RALYL: variants seen among roughly 807,000 people sequenced by gnomAD.
RALYL encodes RNA-binding Raly-like protein.
Under a neutral mutation model 35.1 loss-of-function variants are expected in RALYL, and 29 were observed. The observed-to-expected ratio is 0.83, with a 90% CI of 0.61 to 1.13. The LOEUF is 1.13. Ranked by LOEUF, RALYL falls within the 50% of genes most tolerant of loss-of-function variation. RALYL has a pLI of 0.00. For missense variants in RALYL, 359 were observed against 360.4 expected (o/e 1.00, Z 0.03); for synonymous variants, 120 against 127.6 (o/e 0.94, Z 0.40).
intron 1 of RALYL, among the ~76,000 whole-genome samples, chr8:84,468,164 G>A (rs1228613118): frequency 6.6e-6 from 1 of 151,872 alleles, no homozygotes; most frequent in African/African-American, 2.4e-5. Flanking sequence ...ATATTGTTAT[G>A]TGTGAATTTG....
chr8:84,783,046 G>T (rs375946093), intron 3 of RALYL, among the ~76,000 whole-genome samples: 2 of 152,272 alleles, frequency 1.3e-5, no homozygotes, highest in Non-Finnish European at 2.9e-5. Context: ...TTCCCTTTGT[G>T]CTCACCATAT....
At chr8:84,328,069 G>T (rs550284140) in intron 1 of RALYL, among the ~76,000 whole-genome samples, 2 of 152,264 alleles carry the variant, frequency 1.3e-5, no homozygotes, top group African/African-American at 4.8e-5. Context: ...TTTTGAGGCT[G>T]TCTTTCATAG....
intron 1 of RALYL, among the ~76,000 whole-genome samples, chr8:84,411,893 C>T (rs1403745676): frequency 6.6e-6 from 1 of 151,902 alleles, no homozygotes; most frequent in Non-Finnish European, 1.5e-5. Flanking sequence ...CACTTACAAG[C>T]TGTATGACAA....
intron 1 of RALYL, among the ~76,000 whole-genome samples, chr8:84,302,866 G>A (rs953167814): frequency 6.6e-6 from 1 of 152,130 alleles, no homozygotes; most frequent in Non-Finnish European, 1.5e-5. Flanking sequence ...TTTCTGCTCT[G>A]GCAGAGTAAA....
At chr8:84,301,395 G>A (rs1840755767) in intron 1 of RALYL, among the ~76,000 whole-genome samples, 1 of 152,040 alleles carries the variant, frequency 6.6e-6, no homozygotes, top group South Asian at 2.1e-4. Context: ...TCACACAGGA[G>A]GTCTCTGCAT....
chr8:84,315,729 C>T (rs35118261), intron 1 of RALYL, among the ~76,000 whole-genome samples: 34,916 of 150,864 alleles, frequency 0.23, 4,902 homozygotes, highest in Non-Finnish European at 0.31. Flanking sequence ...AGCCCAAGTG[C>T]ATAGGAAAAT....
At chr8:84,886,212 A>G (rs1249829940) in intron 7 of RALYL, among the ~76,000 whole-genome samples, 1 of 152,170 alleles carries the variant, frequency 6.6e-6, no homozygotes, top group African/African-American at 2.4e-5. Context: ...ATACACATTT[A>G]TTTATAAAAG....
At chr8:84,304,543 A>G (rs1841433453) in intron 1 of RALYL, among the ~76,000 whole-genome samples, 1 of 152,232 alleles carries the variant, frequency 6.6e-6, no homozygotes, top group African/African-American at 2.4e-5. Context: ...ATTAATAAAC[A>G]CTAGCACTTT....
chr8:84,550,928 T>G (rs2060675565), intron 2 of RALYL, among the ~76,000 whole-genome samples: 1 of 151,944 alleles, frequency 6.6e-6, no homozygotes, highest in Non-Finnish European at 1.5e-5. Flanking sequence ...AAAATCTAGG[T>G]CTATAACCAT....
chr8:84,684,675 G>A (rs7841984), intron 2 of RALYL, among the ~76,000 whole-genome samples: 44,587 of 151,972 alleles, frequency 0.29, 7,291 homozygotes, highest in African/African-American at 0.44. Context: ...AATTAAAATC[G>A]TGTAAGAATT....
chr8:84,842,962 G>T (rs1184263064), intron 4 of RALYL, among the ~76,000 whole-genome samples: 1 of 152,106 alleles, frequency 6.6e-6, no homozygotes, highest in Non-Finnish European at 1.5e-5. Context: ...TTGATAGGAT[G>T]TATCTCAAAA....
chr8:84,722,615 TTTTATATATATATATATATA>T (rs1393365896), intron 2 of RALYL, among the ~76,000 whole-genome samples: 9 of 65,666 alleles, frequency 1.4e-4, no homozygotes, highest in Admixed American at 6.6e-4. Flanking sequence ...CCTAGAGTGA[TTTTATATATATATATATATA>T]TATATATATA....
intron 2 of RALYL, among the ~76,000 whole-genome samples, chr8:84,735,005 T>TTGTGTGTG (rs3068131): frequency 0.011 from 1,554 of 146,656 alleles, 16 homozygotes; most frequent in Non-Finnish European, 0.018. Flanking sequence ...ATAGATATGT[T>TTGTGTGTG]TGTGTGTGTG....
chr8:84,705,082 G>A (rs1181212952), intron 2 of RALYL, among the ~76,000 whole-genome samples: 1 of 152,180 alleles, frequency 6.6e-6, no homozygotes, highest in Non-Finnish European at 1.5e-5. Flanking sequence ...ACCCAAAGGT[G>A]TCTTTGAAAC....
intron 1 of RALYL, among the ~76,000 whole-genome samples, chr8:84,406,097 T>C (rs1375043415): frequency 6.6e-6 from 1 of 151,758 alleles, no homozygotes; most frequent in East Asian, 1.9e-4. Context: ...AAGTTAACTG[T>C]ACCACCTATT....
At chr8:84,330,098 G>A (rs1178004782) in intron 1 of RALYL, among the ~76,000 whole-genome samples, 1 of 152,016 alleles carries the variant, frequency 6.6e-6, no homozygotes, top group Admixed American at 6.6e-5. Context: ...AATCCACAAT[G>A]TAGATATAAG....
At chr8:84,650,768 C>T (rs1453053113) in intron 2 of RALYL, among the ~76,000 whole-genome samples, 2 of 151,774 alleles carry the variant, frequency 1.3e-5, no homozygotes, top group African/African-American at 2.4e-5. Flanking sequence ...AAGACACATG[C>T]ACACGTATGT....
chr8:84,298,814 A>C lies in RALYL; in HGVS notation c.-24+114390A>C, dbSNP rs550446201. Among the ~76,000 whole-genome samples the C allele has an allele frequency of 7.5e-4, 114 of 151,454 alleles. 4 individuals carry two copies. The South Asian group carries it at 0.022, about 29-fold the overall frequency. ...TTCCTAGCTTTGTGTGTGTGTGTGA[A>C]TGGGACTATTGTGAATGGGATTTCA... On this transcript the variant is annotated intron_variant, in intron 1 of 8. Coordinates refer to ENST00000521268, the MANE Select transcript of RALYL (RefSeq NM_173848.7).
chr8:84,731,615 G>A (rs1468855790), intron 2 of RALYL, among the ~76,000 whole-genome samples: 1 of 151,778 alleles, frequency 6.6e-6, no homozygotes, highest in Non-Finnish European at 1.5e-5. Flanking sequence ...CTTGTATCTG[G>A]GCTACTGCAG....
Sources: allele counts gnomAD v4.1 joint callset (sites outside exome capture counted in the v4.1 genomes callset), GRCh38; gene constraint gnomAD v4.1.1; transcripts MANE v1.5; gene names NCBI Gene and HGNC (gene_info 2026-07-23, HGNC 2026-07-21).